Variants in PCSK2 observed in about 807,000 individuals in gnomAD.
The protein encoded by PCSK2 is neuroendocrine convertase 2.
In PCSK2, 14 loss-of-function variants were observed where a neutral mutation model predicts 69.7. The observed-to-expected ratio is 0.20, with a 90% CI of 0.13 to 0.31. The LOEUF (loss-of-function observed/expected upper bound fraction) is 0.31, where lower values mean the gene tolerates loss of function less well. PCSK2 is among the 10% of genes least tolerant of loss of function. The pLI is 1.00. For missense variants in PCSK2, 544 were observed against 842.5 expected, an observed-to-expected ratio of 0.65 and a Z score of 4.39; for synonymous variants, 307 against 320.7, an observed-to-expected ratio of 0.96 and a Z score of 0.46.
chr20:17,435,546 G>A (rs190770204), intron 7 of PCSK2, among the ~76,000 whole-genome samples: 24 of 152,240 alleles, frequency 1.6e-4, no homozygotes, highest in Admixed American at 1.1e-3. Context: ...TTCGATTGAC[G>A]TGCTCGCCAT....
rs117644244 is a variant in PCSK2 at position 17,289,172 on chromosome 20, A to C, written c.282+28828A>C. Among the ~76,000 whole-genome samples, 148 of 152,308 alleles carry C rather than the reference A, an allele frequency of 9.7e-4. 3 individuals are homozygous for C. The East Asian group carries it at 0.021, about 21-fold the overall frequency. On this transcript the variant is annotated intron_variant, in intron 2 of 11. Coordinates refer to ENST00000262545, the MANE Select transcript of PCSK2 (RefSeq NM_002594.5). The stretch of plus-strand genomic sequence containing the variant: ...TCAATGCAGTGATATTACCTCTCAA[A>C]CTTTGCTCAATCACTTAGCCTTGTT...
At chr20:17,402,873 C>G (rs947076546) in intron 5 of PCSK2, among the ~76,000 whole-genome samples, 1 of 151,950 alleles carries the variant, frequency 6.6e-6, no homozygotes, top group Admixed American at 6.6e-5. Flanking sequence ...GGGAGAATGG[C>G]ATGAACCTGG....
At chr20:17,419,788 C>T (rs997412087) in intron 6 of PCSK2, among the ~76,000 whole-genome samples, 2 of 152,168 alleles carry the variant, frequency 1.3e-5, no homozygotes, top group African/African-American at 4.8e-5. Flanking sequence ...CATTACTGTG[C>T]TGTTGTCCAT....
intron 5 of PCSK2, among the ~76,000 whole-genome samples, chr20:17,386,576 T>C (rs1008858875): frequency 5.9e-5 from 9 of 152,300 alleles, no homozygotes; most frequent in Admixed American, 5.2e-4. Flanking sequence ...ATATGAGGTA[T>C]CTAGAGTAAT....
At chr20:17,426,530 A>T (rs1309633360) in intron 6 of PCSK2, among the ~76,000 whole-genome samples, 1 of 152,250 alleles carries the variant, frequency 6.6e-6, no homozygotes, top group African/African-American at 2.4e-5. Context: ...GAACAGAACC[A>T]GTAGGATGTG....
At chr20:17,445,330 C>A (rs186279148) in intron 8 of PCSK2, among the ~76,000 whole-genome samples, 6 of 151,550 alleles carry the variant, frequency 4.0e-5, no homozygotes, top group Non-Finnish European at 7.4e-5. Context: ...CCTGGCACAC[C>A]TTTTGCTGGC....
rs533055550 is a variant in PCSK2 at position 17,409,721 on chromosome 20, G to A, written c.620+382G>A. On this transcript the variant is annotated intron_variant, in intron 6 of 11. Coordinates refer to ENST00000262545, the MANE Select transcript of PCSK2 (RefSeq NM_002594.5). ...CCATGGGTCTATGTGTTTTTGAAAA[G>A]CATTCTGTACGCTTTCTGCTATAAC... Among the ~76,000 whole-genome samples the A allele has an allele frequency of 2.0e-5, 3 of 152,294 alleles. No individual in the cohort carries two copies. The East Asian group carries it at 5.8e-4, about 29-fold the overall frequency.
intron 11 of PCSK2, among the ~76,000 whole-genome samples, chr20:17,474,566 C>A (rs542637804): frequency 6.6e-6 from 1 of 152,196 alleles, no homozygotes; most frequent in Non-Finnish European, 1.5e-5. Flanking sequence ...GTTTCCCCTT[C>A]TCAGCCTCGC....
chr20:17,260,052 G>A (rs938638645), intron 1 of PCSK2, among the ~76,000 whole-genome samples, 188 bp from the exon 2 acceptor site: 7 of 152,128 alleles, frequency 4.6e-5, no homozygotes, highest in Non-Finnish European at 1.0e-4. Flanking sequence ...ATGAACAAAG[G>A]CAAGGAGAAG....
intron 6 of PCSK2, among the ~76,000 whole-genome samples, chr20:17,411,633 C>T (rs964703128): frequency 6.6e-5 from 10 of 152,236 alleles, no homozygotes; most frequent in Non-Finnish European, 8.8e-5. Flanking sequence ...GACTTAAACG[C>T]CCCTGTCTGA....
At position 17,390,506 on chromosome 20, in the gene PCSK2, T is replaced by G. The variant is rs113247824; in HGVS notation, c.544-18757T>G. ...GCCCTGTGAATGTGGGAAGAATGAG[T>G]GGAGAAGCCTGCCCATGTCTTGCCT... On this transcript the variant is annotated intron_variant, in intron 5 of 11. Transcript: ENST00000262545. Among the ~76,000 whole-genome samples the G allele has an allele frequency of 3.7e-3, 559 of 152,218 alleles. 2 individuals are homozygous for G. The highest frequency in any genetic ancestry group is 0.012 in the African/African-American group (510 of 41,526).
At chr20:17,322,848 A>G (rs1419285947) in intron 2 of PCSK2, among the ~76,000 whole-genome samples, 1 of 152,068 alleles carries the variant, frequency 6.6e-6, no homozygotes, top group African/African-American at 2.4e-5. Flanking sequence ...AAAAGGCCCC[A>G]GTTCTTTTTT....
chr20:17,358,126 C>T (rs2030266231), intron 2 of PCSK2, among the ~76,000 whole-genome samples: 1 of 139,928 alleles, frequency 7.1e-6, no homozygotes, highest in Non-Finnish European at 1.5e-5. Flanking sequence ...GGAAACATAG[C>T]GAGACCCCCC....
At chr20:17,358,485 C>A in intron 3 of PCSK2, 45 bp downstream of exon 3, 2 of 1,057,934 alleles carry the variant, frequency 1.9e-6, no homozygotes, top group Non-Finnish European at 1.5e-6. Context: ...TCTTGAGACT[C>A]TGGATAAAAG....
In PCSK2 at chr20:17,471,316, AT is replaced by A. The variant is rs141400253; in HGVS notation, c.1430+5764del. On this transcript the variant is annotated intron_variant, in intron 11 of 11. Transcript: ENST00000262545. Reference sequence around the variant, plus strand: ...GGTCCGGAGATGTGATCATCCCAACATCTCACAACTATCCAGGAACTTTATG... The same window carrying A: ...GGTCCGGAGATGTGATCATCCCAACACTCACAACTATCCAGGAACTTTATG... Among the ~76,000 whole-genome samples, 593 of 152,292 alleles carry A rather than the reference AT, an allele frequency of 3.9e-3. 6 individuals carry two copies. The highest frequency in any genetic ancestry group is 0.014 in the African/African-American group (571 of 41,548).
intron 5 of PCSK2, among the ~76,000 whole-genome samples, chr20:17,382,117 C>T (rs570651962): frequency 5.9e-5 from 9 of 152,268 alleles, no homozygotes; most frequent in African/African-American, 1.7e-4. Flanking sequence ...TCTCTCCTCC[C>T]GTGGAGAGTT....
At chr20:17,269,452 C>T (rs887223939) in intron 2 of PCSK2, among the ~76,000 whole-genome samples, 1 of 152,148 alleles carries the variant, frequency 6.6e-6, no homozygotes, top group African/African-American at 2.4e-5. Context: ...CTACATTTTA[C>T]CATAGTAACT....
intron 2 of PCSK2, among the ~76,000 whole-genome samples, chr20:17,316,886 G>C (rs1989706516): frequency 6.6e-6 from 1 of 152,072 alleles, no homozygotes; most frequent in Admixed American, 6.5e-5. Flanking sequence ...TAATTCTCAG[G>C]CCCTATGAAG....
At chr20:17,410,648 G>A (rs1298180593) in intron 6 of PCSK2, among the ~76,000 whole-genome samples, 1 of 152,204 alleles carries the variant, frequency 6.6e-6, no homozygotes, top group African/African-American at 2.4e-5. Context: ...GGATGAGAAT[G>A]TATAAAAAAG....
Sources: allele counts gnomAD v4.1 joint callset (sites outside exome capture counted in the v4.1 genomes callset), GRCh38; gene constraint gnomAD v4.1.1; transcripts MANE v1.5; gene names NCBI Gene and HGNC (gene_info 2026-07-23, HGNC 2026-07-21).